The following MBD3L5 variants were observed in gnomAD, a reference collection of about 807,000 sequenced individuals.
The protein encoded by MBD3L5 is methyl-CpG binding domain protein 3 like 5, also known as methyl-CpG-binding domain protein 3-like 5.
For synonymous variants in MBD3L5, 4 were observed against 8.2 expected, an observed-to-expected ratio of 0.49 and a Z score of 0.88; for missense variants, 1 against 20.1, an observed-to-expected ratio of 0.05 and a Z score of 1.82.
Position 7,030,631 on chromosome 19 carries a change from C to T in MBD3L5, c.20C>T (p.Thr7Ile). Reference protein sequence around the residue: MGEPAFTSFPSPPVLGK... With the variant: MGEPAFISFPSPPVLGK... The stretch of plus-strand genomic sequence containing the variant: ...ACGGCTATGGGAGAGCCTGCGTTCA[C>T]CTCTTTTCCGAGCCCACCTGTTCTG... The change falls in exon 1 of 2, where the codon ACC (threonine) becomes ATC (isoleucine). Residue 7 changes from threonine (T) to isoleucine (I), a missense_variant. By Grantham distance (89) the Thr-to-Ile change is moderately conservative. Coordinates refer to ENST00000329753, the MANE Select transcript of MBD3L5 (RefSeq NM_001136507.2). 1 of 613,602 alleles carries T rather than the reference C, an allele frequency of 1.6e-6. No individual in the cohort carries two copies. The highest frequency in any genetic ancestry group is 3.0e-6 in the Non-Finnish European group (1 of 335,124). 38.0% of individuals were successfully genotyped at this position (613,602 alleles called of 1,614,324 possible).
rs764245629 is a variant in MBD3L5 at position 7,032,868 on chromosome 19, C to T, written c.601C>T (p.Gln201Ter). Residue 201 changes from glutamine (Q) to a stop codon, truncating the protein, a stop_gained, in exon 2 of 2, where the codon CAG (glutamine) becomes TAG (stop). Coordinates refer to ENST00000329753, the MANE Select transcript of MBD3L5 (RefSeq NM_001136507.2). LOFTEE classifies it low-confidence loss of function (END_TRUNC). ...CTTGCAGGCAGACAGGCTGGCCAGGCAGGCAGAAATGCTGACAGGTGGGTG... is the reference window on the plus strand; with the variant it reads ...CTTGCAGGCAGACAGGCTGGCCAGGTAGGCAGAAATGCTGACAGGTGGGTG... ...KALQADRLAR[Q>*]AEMLTGG 6.1e-5 allele frequency: 21 copies of T among 346,682 alleles called. 7 individuals are homozygous for T. The highest frequency in any genetic ancestry group is 9.3e-5 in the Non-Finnish European group (19 of 204,688). The allele number at this position is 346,682 out of a possible 1,614,324, so 21.5% of individuals were successfully genotyped here.
At chr19:7,030,889 A>G (rs1422179649) in intron 1 of MBD3L5, among the ~76,000 whole-genome samples, 1 of 151,976 alleles carries the variant, frequency 6.6e-6, no homozygotes, top group African/African-American at 2.4e-5. Context: ...TCACTAGGAA[A>G]GGGAAGAAGT....
At chr19:7,030,944 G>C (rs1317230983) in intron 1 of MBD3L5, among the ~76,000 whole-genome samples, 1 of 150,574 alleles carries the variant, frequency 6.6e-6, no homozygotes, top group African/African-American at 2.5e-5. Flanking sequence ...TCTCTGGAAA[G>C]CTCCTGAACC....
intron 1 of MBD3L5, among the ~76,000 whole-genome samples, chr19:7,031,124 CCTT>C (rs1480464110): frequency 7.7e-6 from 1 of 130,522 alleles, no homozygotes; most frequent in Admixed American, 7.6e-5. Context: ...TCTGTCACTC[CCTT>C]CTTCTTCATC....
At chr19:7,030,905 T>A in intron 1 of MBD3L5, among the ~76,000 whole-genome samples, 1 of 151,892 alleles carries the variant, frequency 6.6e-6, no homozygotes, top group Non-Finnish European at 1.5e-5. Flanking sequence ...GAAGTATGAT[T>A]TGGCCTTGCA....
intron 1 of MBD3L5, among the ~76,000 whole-genome samples, chr19:7,030,971 G>GT (rs1976815923): frequency 1.4e-5 from 2 of 144,824 alleles, no homozygotes; most frequent in African/African-American, 2.6e-5. Flanking sequence ...TGCTTGGTCC[G>GT]TTTTTTTAAA....
intron 1 of MBD3L5, among the ~76,000 whole-genome samples, chr19:7,031,123 CCCTT>C (rs1342425483): frequency 1.5e-5 from 2 of 131,238 alleles, no homozygotes; most frequent in East Asian, 4.3e-4. Flanking sequence ...CTCTGTCACT[CCCTT>C]CTTCTTCATC....
At chr19:7,030,929 C>T (rs1976815410) in intron 1 of MBD3L5, among the ~76,000 whole-genome samples, 1 of 151,668 alleles carries the variant, frequency 6.6e-6, no homozygotes, top group Admixed American at 6.6e-5. Context: ...TTCAAATTGT[C>T]TCCTTCTCTG....
intron 1 of MBD3L5, among the ~76,000 whole-genome samples, chr19:7,030,874 C>T (rs1174805024): frequency 1.1e-4 from 16 of 152,052 alleles, no homozygotes; most frequent in African/African-American, 3.1e-4. Context: ...TTTAAAAATC[C>T]AACATCACTA....
Position 7,031,067 on chromosome 19 carries a change from T to C in MBD3L5, c.45+411T>C, listed in dbSNP as rs370174586. Among the ~76,000 whole-genome samples, 26 of 139,860 alleles carry C rather than the reference T, an allele frequency of 1.9e-4. No individual in the cohort carries two copies. In the East Asian group the frequency reaches 4.3e-3, roughly 23 times the overall value. 91.8% of individuals were successfully genotyped at this position (139,860 alleles called of 152,430 possible). ...CTAAACTCACTGTCACGATTCATTGTAGTGAATTTCTTTTCTGTTTCTCTG... is the reference window on the plus strand; with the variant it reads ...CTAAACTCACTGTCACGATTCATTGCAGTGAATTTCTTTTCTGTTTCTCTG... On this transcript the variant is annotated intron_variant, in intron 1 of 1. Coordinates refer to ENST00000329753, the MANE Select transcript of MBD3L5 (RefSeq NM_001136507.2).
intron 1 of MBD3L5, among the ~76,000 whole-genome samples, chr19:7,030,871 A>C (rs544374894): frequency 2.0e-5 from 3 of 152,062 alleles, no homozygotes; most frequent in Non-Finnish European, 4.4e-5. Context: ...TTTTTTAAAA[A>C]TCCAACATCA....
Sources: gnomAD v4.1 joint callset for allele counts (sites outside exome capture counted in the v4.1 genomes callset) on GRCh38, gnomAD v4.1.1 for gene constraint, MANE v1.5 for transcripts, NCBI Gene and HGNC (gene_info 2026-07-23, HGNC 2026-07-21) for gene names.